Variants in SUSD1 observed in about 807,000 individuals in gnomAD.
SUSD1 encodes sushi domain containing 1.
In SUSD1, 65 loss-of-function variants were observed where a neutral mutation model predicts 86.9. That is an observed-to-expected ratio of 0.75 (90% CI 0.61 to 0.92). The LOEUF (loss-of-function observed/expected upper bound fraction) is 0.92. Ranked by LOEUF, SUSD1 falls within the 40% of genes least tolerant of loss-of-function variation. SUSD1 has a pLI of 0.00. For missense variants in SUSD1, 850 were observed against 929.7 expected (o/e 0.91, Z 1.11); for synonymous variants, 346 against 350.0 (o/e 0.99, Z 0.13).
At chr9:112,055,246 C>A (rs1828396712) in intron 14 of SUSD1, among the ~76,000 whole-genome samples, 2 of 152,062 alleles carry the variant, frequency 1.3e-5, no homozygotes, top group Admixed American at 1.3e-4. Context: ...GGAAACATGG[C>A]AAAATCCTGT....
chr9:112,133,154 A>G (rs528109587), intron 5 of SUSD1, among the ~76,000 whole-genome samples: 25 of 152,330 alleles, frequency 1.6e-4, no homozygotes, highest in African/African-American at 6.0e-4. Flanking sequence ...CCAGGCATGT[A>G]GTCCCAGCTA....
At chr9:112,055,814 T>A (rs992030686) in intron 14 of SUSD1, among the ~76,000 whole-genome samples, 1 of 152,216 alleles carries the variant, frequency 6.6e-6, no homozygotes, top group Non-Finnish European at 1.5e-5. Context: ...TAATGGAATA[T>A]TATTCAGTCT....
At chr9:112,165,816 A>G (rs541188458) in intron 1 of SUSD1, among the ~76,000 whole-genome samples, 2 of 148,960 alleles carry the variant, frequency 1.3e-5, no homozygotes, top group South Asian at 2.1e-4. Context: ...GAGAGAGAGA[A>G]AAAGAAAGAA....
intron 1 of SUSD1, among the ~76,000 whole-genome samples, chr9:112,162,426 G>A (rs1833611443): frequency 6.6e-6 from 1 of 152,134 alleles, no homozygotes; most frequent in South Asian, 2.1e-4. Context: ...AGTAACCCAA[G>A]CTAAGGAAGC....
At chr9:112,042,096 C>A in intron 15 of SUSD1, 136 bp from the exon 16 acceptor site, 1 of 1,544,224 alleles carries the variant, frequency 6.5e-7, no homozygotes, top group South Asian at 1.2e-5. Flanking sequence ...GAATGCCCAA[C>A]ATGCCTGTGT....
chr9:112,108,774 C>CAAAA (rs11312103), intron 8 of SUSD1, among the ~76,000 whole-genome samples: 18 of 68,494 alleles, frequency 2.6e-4, no homozygotes, highest in South Asian at 4.6e-4. Flanking sequence ...CTGGGTGTCT[C>CAAAA]AAAAAAAAAA....
chr9:112,174,764 G>A (rs1002494677), intron 1 of SUSD1, among the ~76,000 whole-genome samples: 2 of 152,138 alleles, frequency 1.3e-5, no homozygotes, highest in African/African-American at 4.8e-5. Flanking sequence ...GCGTGACAGC[G>A]CCGCAGAACG....
intron 15 of SUSD1, among the ~76,000 whole-genome samples, chr9:112,051,343 T>C (rs1187164202): frequency 1.3e-5 from 2 of 151,772 alleles, no homozygotes; most frequent in African/African-American, 4.8e-5. Flanking sequence ...TGTCTTCCAC[T>C]AGGGTTCCAT....
At chr9:112,052,271 T>C in intron 15 of SUSD1, 128 bp downstream of exon 15, 1 of 1,573,426 alleles carries the variant, frequency 6.4e-7, no homozygotes, top group African/African-American at 1.4e-5. Flanking sequence ...TATGAAGCTC[T>C]TTGCTTAAAG....
At chr9:112,052,224 C>T (rs1461709581) in intron 15 of SUSD1, 175 bp downstream of exon 15, 3 of 1,531,064 alleles carry the variant, frequency 2.0e-6, no homozygotes, top group Admixed American at 2.0e-5. Context: ...ATTCCATAAG[C>T]TCCCATCCAC....
intron 1 of SUSD1, among the ~76,000 whole-genome samples, chr9:112,163,111 G>A (rs1467648142): frequency 6.6e-6 from 1 of 152,050 alleles, no homozygotes; most frequent in Non-Finnish European, 1.5e-5. Flanking sequence ...CTAGGGCAAG[G>A]TGCAGTGGCT....
intron 10 of SUSD1, among the ~76,000 whole-genome samples, chr9:112,081,327 C>G (rs1275662422): frequency 1.3e-5 from 2 of 152,210 alleles, no homozygotes; most frequent in Non-Finnish European, 2.9e-5. Context: ...AGTTGGTAGA[C>G]ACGACTCCTC....
chr9:112,052,365 A>G, intron 15 of SUSD1, 34 bp downstream of exon 15: 3 of 1,613,880 alleles, frequency 1.9e-6, no homozygotes, highest in Non-Finnish European at 2.5e-6. Context: ...GAAAAGAAAT[A>G]AGGACAGCAT....
chr9:112,068,699 CA>C (rs200990357), intron 12 of SUSD1, among the ~76,000 whole-genome samples: 3,785 of 84,472 alleles, frequency 0.045, 93 homozygotes, highest in African/African-American at 0.14. Flanking sequence ...GACCCTGTCT[CA>C]AAAAAAAAAA....
intron 6 of SUSD1, among the ~76,000 whole-genome samples, chr9:112,120,218 G>T (rs1215689143): frequency 6.6e-6 from 1 of 152,102 alleles, no homozygotes; most frequent in Non-Finnish European, 1.5e-5. Context: ...GAGGCAGAAG[G>T]ATCGCTTGAG....
chr9:112,102,702 C>T (rs1489536005), intron 8 of SUSD1, among the ~76,000 whole-genome samples: 9 of 152,108 alleles, frequency 5.9e-5, no homozygotes, highest in East Asian at 1.9e-4. Context: ...ATAAGGAAAA[C>T]GGCAAATAAA....
At chr9:112,079,992 G>A (rs1564276315) in intron 11 of SUSD1, 82 bp downstream of exon 11, 2 of 966,796 alleles carry the variant, frequency 2.1e-6, no homozygotes, top group Admixed American at 1.8e-5. Context: ...AGTTATAGAT[G>A]TAGATTTTTA....
At chr9:112,146,471 G>C (rs1832813765) in intron 3 of SUSD1, among the ~76,000 whole-genome samples, 1 of 152,072 alleles carries the variant, frequency 6.6e-6, no homozygotes, top group Non-Finnish European at 1.5e-5. Context: ...AATAAAAGTA[G>C]AGCCTAGATC....
chr9:112,094,960 C>T (rs959578750), intron 10 of SUSD1, among the ~76,000 whole-genome samples: 14 of 152,112 alleles, frequency 9.2e-5, no homozygotes, highest in African/African-American at 3.1e-4. Context: ...GGTATTGCAC[C>T]GGCTATAAGG....
Sources: gnomAD v4.1 joint callset for allele counts (sites outside exome capture counted in the v4.1 genomes callset) on GRCh38, gnomAD v4.1.1 for gene constraint, MANE v1.5 for transcripts, NCBI Gene and HGNC (gene_info 2026-07-23, HGNC 2026-07-21) for gene names.